The following UTP14C variants were observed in gnomAD, a reference collection of about 807,000 sequenced individuals.
UTP14C encodes UTP14C small subunit processome component, also known as U3 small nucleolar RNA-associated protein 14 homolog C.
Under a neutral mutation model 14.6 loss-of-function variants are expected in UTP14C, and 10 were observed. The observed-to-expected ratio is 0.68, with a 90% CI of 0.42 to 1.16. UTP14C has a LOEUF of 1.16. Among genes scored for constraint, UTP14C ranks in the 50% most tolerant of loss-of-function variants. The pLI is 0.00. For synonymous variants in UTP14C, 315 were observed against 331.6 expected, an observed-to-expected ratio of 0.95 and a Z score of 0.54; for missense variants, 818 against 890.8, an observed-to-expected ratio of 0.92 and a Z score of 1.04.
Position 52,032,157 on chromosome 13 carries a change from G to C in UTP14C, c.*1052G>C, listed in dbSNP as rs1399722820. The C allele has an allele frequency of 6.5e-6, 1 of 153,412 alleles. No individual in the cohort carries two copies. Among genetic ancestry groups the C allele is most frequent in the African/African-American group, 2.4e-5 (1 of 41,450 alleles). 9.5% of individuals were successfully genotyped at this position (153,412 alleles called of 1,614,324 possible). On this transcript the variant is annotated 3_prime_UTR_variant, in exon 2 of 2. Transcript: ENST00000521776. ...GAATTGCTTGAAACTGGAAGGCAGA[G>C]GTTGCAGTGAGCCAAGATTGTGCCA...
In UTP14C at chr13:52,031,697, T is replaced by C. The variant is rs1185969321; in HGVS notation, c.*592T>C. On this transcript the variant is annotated 3_prime_UTR_variant, in exon 2 of 2. Transcript: ENST00000521776. Reference sequence around the variant, plus strand: ...GGGTATCTATTACCAGCATAATGCATTGTAAGATGGCAAGGTGGCATTTTG... The same window carrying C: ...GGGTATCTATTACCAGCATAATGCACTGTAAGATGGCAAGGTGGCATTTTG... 6.0e-6 allele frequency: 1 copy of C among 167,390 alleles called. No individual in the cohort carries two copies. The highest frequency in any genetic ancestry group is 2.4e-5 in the African/African-American group (1 of 41,446). The allele number at this position is 167,390 out of a possible 1,614,324, so 10.4% of individuals were successfully genotyped here. A position where few individuals can be genotyped will look rare whatever the true frequency, so the allele number is the denominator to read the frequency against.
chr13:52,029,502 A>G lies in UTP14C; in HGVS notation c.698A>G (p.Gln233Arg), dbSNP rs753376749. The change falls in exon 2 of 2, where the codon CAG becomes CGG. Residue 233 changes from glutamine to arginine, a missense_variant. Coordinates refer to ENST00000521776, the MANE Select transcript of UTP14C (RefSeq NM_021645.6). ...RAELQRARAL[Q>R]SYYEAKARKE... ...GAGCTTCAGAGGGCTCGGGCTCTGC[A>G]GTCCTACTATGAGGCCAAGGCTCGA... is the stretch of plus-strand genomic sequence containing the variant. 3 of 1,614,220 alleles carry G rather than the reference A, an allele frequency of 1.9e-6. No individual in the cohort carries two copies. Among genetic ancestry groups the G allele is most frequent in the Non-Finnish European group, 2.5e-6 (3 of 1,180,040 alleles).
In UTP14C at chr13:52,028,904, G is replaced by A. The variant is rs1403642628; in HGVS notation, c.100G>A (p.Gly34Arg). 3 of 1,614,092 alleles carry A rather than the reference G, an allele frequency of 1.9e-6. No homozygotes were observed. Among genetic ancestry groups the A allele is most frequent in the Admixed American group, 1.7e-5 (1 of 60,006 alleles). ...CCCCTTGAGTGAAAATGAAGATGAG[G>A]GGGACAGTGATGGAGAGAGAAAGCA... Reference protein sequence around the residue: ...NYPLSENEDEGDSDGERKHQK... With the variant: ...NYPLSENEDERDSDGERKHQK... The change falls in exon 2 of 2, where the codon GGG becomes AGG. Residue 34 changes from glycine to arginine, a missense_variant. Gly to Arg is a moderately radical substitution (Grantham distance 125). Coordinates refer to ENST00000521776, the MANE Select transcript of UTP14C (RefSeq NM_021645.6).
chr13:52,028,459 G>A lies in UTP14C; in HGVS notation c.-346G>A, dbSNP rs199641594. ...TGAAGAAGACTATGCTGAAACTATC[G>A]CTCACATTCTTTCCATGTCTGCAGA... is the stretch of plus-strand genomic sequence containing the variant. On this transcript the variant is annotated 5_prime_UTR_variant, in exon 2 of 2. Transcript: ENST00000521776. 39 of 1,614,110 alleles carry A rather than the reference G, an allele frequency of 2.4e-5. No homozygotes were observed. The highest frequency in any genetic ancestry group is 1.6e-4 in the Middle Eastern group (1 of 6,062).
rs1954283081 is a variant in UTP14C, at chr13:52,030,035, C to T, written c.1231C>T (p.Pro411Ser). The T allele has an allele frequency of 1.2e-6, 2 of 1,613,902 alleles. No homozygotes were observed. The highest frequency in any genetic ancestry group is 1.3e-5 in the African/African-American group (1 of 74,912). Residue 411 changes from proline (P) to serine (S), a missense_variant, in exon 2 of 2, where the codon CCA (proline) becomes TCA (serine). Transcript: ENST00000521776. ...TTCTGCAAGTGAGGCAGAAGAAAGA[C>T]CAGTGGCAGAGGAAGAAATTTTGTT... ...EVSASEAEER[P>S]VAEEEILLRE...
Position 52,030,585 on chromosome 13 carries a change from TAAAG to T in UTP14C, c.1782_1785del (p.Ile594MetfsTer14), listed in dbSNP as rs1455777847. On this transcript the variant is annotated frameshift_variant, in exon 2 of 2. Coordinates refer to ENST00000521776, the MANE Select transcript of UTP14C (RefSeq NM_021645.6). LOFTEE classifies it high-confidence loss of function. ...GAGGAGAGAGACCAAAGGCAGATGATAAAGGAAGCTTTTGCTGGGGATGATGTCA... is the reference window on the plus strand; with the variant it reads ...GAGGAGAGAGACCAAAGGCAGATGATGAAGCTTTTGCTGGGGATGATGTCA... 1 of 1,614,036 alleles carries T rather than the reference TAAAG, an allele frequency of 6.2e-7. No individual in the cohort carries two copies. Among genetic ancestry groups the T allele is most frequent in the African/African-American group, 1.3e-5 (1 of 74,910 alleles).
chr13:52,029,393 C>T lies in UTP14C; in HGVS notation c.589C>T (p.Pro197Ser). 1 of 1,614,138 alleles carries T rather than the reference C, an allele frequency of 6.2e-7. No homozygotes were observed. The highest frequency in any genetic ancestry group is 8.5e-7 in the Non-Finnish European group (1 of 1,180,036). ...TAACCTCCTCCATAAGAACAAGCAG[C>T]CAGTGACAGATCCTTTACTGACTCC... ...IFNLLHKNKQ[P>S]VTDPLLTPME... The change falls in exon 2 of 2, where the codon CCA (proline) becomes TCA (serine). Residue 197 changes from proline (P) to serine (S), a missense_variant. Coordinates refer to ENST00000521776, the MANE Select transcript of UTP14C (RefSeq NM_021645.6).
In UTP14C at chr13:52,030,512, G is replaced by A. The variant is rs144854745; in HGVS notation, c.1708G>A (p.Val570Met). ...CTTCCTGACCACACAGTCTCCTTCC[G>A]TGAGGTCTTTGGCAGTTCCCACAAT... The part of the protein sequence containing the change: ...QNFLTTQSPS[V>M]RSLAVPTIIE... The change falls in exon 2 of 2, where the codon GTG (valine) becomes ATG (methionine). Residue 570 changes from valine to methionine, a missense_variant. Transcript: ENST00000521776. 2.0e-4 allele frequency: 330 copies of A among 1,614,200 alleles called. No individual in the cohort carries two copies. The African/African-American group carries it at 3.7e-3, about 18-fold the overall frequency.
rs118101589 is a variant in UTP14C, at chr13:52,026,641, T to A, written c.-486-1678T>A. Among the ~76,000 whole-genome samples the A allele has an allele frequency of 3.3e-5, 5 of 152,056 alleles. No homozygotes were observed. The East Asian group carries it at 9.7e-4, about 29-fold the overall frequency. On this transcript the variant is annotated intron_variant, in intron 1 of 1. Transcript: ENST00000521776. ...GGGAGGAAGAGAAGACTACCTAGGG[T>A]TTTGGGAGCAGGGCAGCTGTGAGAA...
At position 52,029,331 on chromosome 13, in the gene UTP14C, G is replaced by C. The variant is rs1281421588; in HGVS notation, c.527G>C (p.Gly176Ala). 1.2e-6 allele frequency: 2 copies of C among 1,614,018 alleles called. No individual in the cohort carries two copies. Among genetic ancestry groups the C allele is most frequent in the African/African-American group, 1.3e-5 (1 of 74,892 alleles). The stretch of plus-strand genomic sequence containing the variant: ...GCTCCCATTGAACATGCGCTCAGTG[G>C]CTGGAAGGCAAGAACTCCCCTGGAG... ...AIAPIEHALS[G>A]WKARTPLEQE... is the part of the protein sequence containing the mutation. The change falls in exon 2 of 2, where the codon GGC (glycine) becomes GCC (alanine). Residue 176 changes from glycine to alanine, a missense_variant. By Grantham distance (60) the Gly-to-Ala change is moderately conservative. Coordinates refer to ENST00000521776, the MANE Select transcript of UTP14C (RefSeq NM_021645.6).
rs186930198 is a variant in UTP14C at position 52,025,222 on chromosome 13, A to G, written c.-487+285A>G. Among the ~76,000 whole-genome samples the G allele has an allele frequency of 1.3e-3, 200 of 152,288 alleles. 2 individuals are homozygous for G. Among genetic ancestry groups the G allele is most frequent in the Non-Finnish European group, 1.7e-3 (113 of 68,020 alleles). ...TTTGATAGGTGTTATTGTTATTCCC[A>G]TTTTATAAATAAAGAAACTCAGGCA... On this transcript the variant is annotated intron_variant, in intron 1 of 1. Coordinates refer to ENST00000521776, the MANE Select transcript of UTP14C (RefSeq NM_021645.6).
At position 52,028,315 on chromosome 13, in the gene UTP14C, T is replaced by G. The variant is rs1169205895; in HGVS notation, c.-486-4T>G. The G allele has an allele frequency of 1.2e-6, 2 of 1,614,044 alleles. No homozygotes were observed. The highest frequency in any genetic ancestry group is 1.7e-5 in the Admixed American group (1 of 59,990). ...GATTACATGATTTGTGTTTTTTTTC[T>G]CAGGAGTTGTGGAGTGTATGGCAGC... On this transcript the variant is annotated splice_region_variant and splice_polypyrimidine_tract_variant and intron_variant, in intron 1 of 1. Coordinates refer to ENST00000521776, the MANE Select transcript of UTP14C (RefSeq NM_021645.6).
rs773859628 is a variant in UTP14C, at chr13:52,028,691, C to T, written c.-114C>T. On this transcript the variant is annotated 5_prime_UTR_variant, in exon 2 of 2. Transcript: ENST00000521776. ...CAATCTCATTTGTCAAATCATTTTA[C>T]TTTAGAAAACAGACAAAATTTCCTT... 5.1e-6 allele frequency: 8 copies of T among 1,564,990 alleles called. No individual in the cohort carries two copies. Among genetic ancestry groups the T allele is most frequent in the Non-Finnish European group, 7.0e-6 (8 of 1,146,336 alleles).
At chr13:52,025,351 C>T (rs1217640585) in intron 1 of UTP14C, among the ~76,000 whole-genome samples, 1 of 152,152 alleles carries the variant, frequency 6.6e-6, no homozygotes, top group African/African-American at 2.4e-5. Context: ...TTTCTCTCTC[C>T]ATCTAACCCC....
In UTP14C at chr13:52,030,031, A is replaced by C; in HGVS notation, c.1227A>C (p.Glu409Asp). ...AHEVSASEAEERPVAEEEILL... is the reference protein window; with the variant it reads ...AHEVSASEAEDRPVAEEEILL... Reference sequence around the variant, plus strand: ...AGGTTTCTGCAAGTGAGGCAGAAGAAAGACCAGTGGCAGAGGAAGAAATTT... The same window carrying C: ...AGGTTTCTGCAAGTGAGGCAGAAGACAGACCAGTGGCAGAGGAAGAAATTT... The change falls in exon 2 of 2, where the codon GAA (glutamate) becomes GAC (aspartate). Residue 409 changes from glutamate (E) to aspartate (D), a missense_variant. Transcript: ENST00000521776. 6.2e-7 allele frequency: 1 copy of C among 1,614,252 alleles called. No homozygotes were observed. The highest frequency in any genetic ancestry group is 8.5e-7 in the Non-Finnish European group (1 of 1,180,042).
In UTP14C at chr13:52,032,444, C is replaced by G. The variant is rs368815641; in HGVS notation, c.*1339C>G. 2 of 167,154 alleles carry G rather than the reference C, an allele frequency of 1.2e-5. No homozygotes were observed. The highest frequency in any genetic ancestry group is 2.1e-4 in the South Asian group (1 of 4,824). 10.4% of individuals were successfully genotyped at this position (167,154 alleles called of 1,614,324 possible). ...TGTGAGCAGATATGGCTATAAAGAC[C>G]TATAGCTTTTGCACTTTATGCATAT... is the stretch of plus-strand genomic sequence containing the variant. On this transcript the variant is annotated 3_prime_UTR_variant, in exon 2 of 2. Coordinates refer to ENST00000521776, the MANE Select transcript of UTP14C (RefSeq NM_021645.6).
intron 1 of UTP14C, among the ~76,000 whole-genome samples, chr13:52,026,283 A>G (rs1279438579): frequency 2.0e-5 from 3 of 152,230 alleles, no homozygotes; most frequent in Non-Finnish European, 2.9e-5. Context: ...CAGCACTGTG[A>G]CAGGAGTGAC....
chr13:52,026,773 G>GTC (rs1479328421), intron 1 of UTP14C, among the ~76,000 whole-genome samples: 1 of 152,186 alleles, frequency 6.6e-6, no homozygotes, highest in Non-Finnish European at 1.5e-5. Flanking sequence ...GTGAGGGCAT[G>GTC]CGTCCAGGAG....
chr13:52,026,231 G>A (rs865797544), intron 1 of UTP14C, among the ~76,000 whole-genome samples: 3 of 152,346 alleles, frequency 2.0e-5, no homozygotes, highest in South Asian at 2.1e-4. Context: ...CCGAACAATA[G>A]AGGTTAGCCA....
Sources: gnomAD v4.1 joint callset for allele counts (sites outside exome capture counted in the v4.1 genomes callset) on GRCh38, gnomAD v4.1.1 for gene constraint, MANE v1.5 for transcripts, NCBI Gene and HGNC (gene_info 2026-07-23, HGNC 2026-07-21) for gene names.